Variants in NAV1 observed in about 807,000 individuals in gnomAD.
NAV1 encodes the protein pore membrane and/or filament interacting like protein 3.
In NAV1, 18 loss-of-function variants were observed where a neutral mutation model predicts 175.2. The ratio of observed to expected loss-of-function variants is 0.10; its 90% CI spans 0.07 to 0.15. NAV1 has a LOEUF of 0.15. Among genes scored for constraint, NAV1 ranks in the 10% least tolerant of loss-of-function variants. The pLI, the probability that NAV1 is intolerant of heterozygous loss-of-function variation, is 1.00. For missense variants in NAV1, 1,731 were observed against 2,436.6 expected (o/e 0.71, Z 6.10); for synonymous variants, 897 against 978.7 (o/e 0.92, Z 1.56).
chr1:201,731,378 A>T lies in NAV1; in HGVS notation c.1226+12623A>T, dbSNP rs559204047. On this transcript the variant is annotated intron_variant, in intron 3 of 29. Transcript: ENST00000367296. Reference sequence around the variant, plus strand: ...GTGTGCGGCAACCAGACAGGCACAGAGAGTGTCTGAGAGGTGGAGGGACCC... The same window carrying T: ...GTGTGCGGCAACCAGACAGGCACAGTGAGTGTCTGAGAGGTGGAGGGACCC... Among the ~76,000 whole-genome samples, 14 of 152,130 alleles carry T rather than the reference A, an allele frequency of 9.2e-5. No homozygotes were observed. The South Asian group carries it at 2.9e-3, about 32-fold the overall frequency.
intron 1 of NAV1, among the ~76,000 whole-genome samples, chr1:201,575,544 T>C (rs79860668): frequency 0.012 from 1,878 of 152,254 alleles, 39 homozygotes; most frequent in African/African-American, 0.043. Context: ...GCGTGTCCAA[T>C]GGGATGATGA....
At chr1:201,684,792 C>A (rs1418872850) in intron 1 of NAV1, among the ~76,000 whole-genome samples, 5 of 151,578 alleles carry the variant, frequency 3.3e-5, no homozygotes, top group South Asian at 2.1e-4. Context: ...CTTTAAAAAA[C>A]CCCAATTCTT....
chr1:201,670,609 TTGA>T (rs745794951), intron 1 of NAV1, among the ~76,000 whole-genome samples: 3 of 150,550 alleles, frequency 2.0e-5, no homozygotes, highest in South Asian at 2.1e-4. Flanking sequence ...TGATTTTTTG[TTGA>T]TGATGGCAGT....
intron 1 of NAV1, among the ~76,000 whole-genome samples, chr1:201,682,115 C>CAA (rs34550001): frequency 0.013 from 1,056 of 83,226 alleles, 23 homozygotes; most frequent in Admixed American, 0.017. Flanking sequence ...GACTCCATCT[C>CAA]AAAAAAAAAA....
intron 3 of NAV1, among the ~76,000 whole-genome samples, chr1:201,720,921 C>T (rs1672354875): frequency 6.6e-6 from 1 of 151,976 alleles, no homozygotes; most frequent in South Asian, 2.1e-4. Context: ...GATCTAGTAG[C>T]AGCTGGTCAA....
intron 1 of NAV1, among the ~76,000 whole-genome samples, chr1:201,545,784 G>A (rs1665652511): frequency 6.6e-6 from 1 of 152,230 alleles, no homozygotes; most frequent in African/African-American, 2.4e-5. Context: ...AGAGAACTGG[G>A]CTGATGCAGA....
intron 1 of NAV1, among the ~76,000 whole-genome samples, chr1:201,705,307 C>T (rs904460825): frequency 6.6e-6 from 1 of 152,224 alleles, no homozygotes; most frequent in Admixed American, 6.5e-5. Context: ...CGTGCATGCT[C>T]CTCTCTCTGG....
At chr1:201,589,083 G>T (rs913137769) in intron 2 of NAV1, among the ~76,000 whole-genome samples, 1 of 151,566 alleles carries the variant, frequency 6.6e-6, no homozygotes, top group Non-Finnish European at 1.5e-5. Context: ...CCTGACCTCA[G>T]GTGATCCACC....
chr1:201,615,267 C>CTTTTTTT (rs949162841), intron 2 of NAV1, among the ~76,000 whole-genome samples: 11 of 141,972 alleles, frequency 7.7e-5, no homozygotes, highest in African/African-American at 2.7e-4. Flanking sequence ...TTCTTTCTTT[C>CTTTTTTT]TTTTTTTTTT....
intron 2 of NAV1, among the ~76,000 whole-genome samples, chr1:201,593,505 T>G (rs1667265401): frequency 6.6e-6 from 1 of 152,212 alleles, no homozygotes; most frequent in Non-Finnish European, 1.5e-5. Flanking sequence ...AGACGACAGA[T>G]GAGTCAGAGG....
intron 3 of NAV1, among the ~76,000 whole-genome samples, chr1:201,772,308 G>T (rs1675638415): frequency 1.3e-5 from 2 of 152,198 alleles, no homozygotes; most frequent in South Asian, 4.1e-4. Context: ...AACAGATAGG[G>T]CTTATGTCCA....
At chr1:201,631,799 G>A (rs1361753552) in intron 2 of NAV1, among the ~76,000 whole-genome samples, 2 of 152,178 alleles carry the variant, frequency 1.3e-5, no homozygotes, top group Non-Finnish European at 2.9e-5. Context: ...TATTGATCAT[G>A]TTATTTCCAT....
intron 2 of NAV1, among the ~76,000 whole-genome samples, chr1:201,641,260 C>T (rs1177999786): frequency 6.6e-6 from 1 of 152,154 alleles, no homozygotes; most frequent in Non-Finnish European, 1.5e-5. Context: ...AGAGCCTGAC[C>T]ACTTCTCACT....
At chr1:201,797,047 A>G (rs1400667537) in intron 15 of NAV1, 1 of 152,196 alleles carries the variant, frequency 6.6e-6, no homozygotes, top group Non-Finnish European at 1.5e-5. Context: ...TAGGTGCTGT[A>G]TCTAAGAAAT....
intron 1 of NAV1, among the ~76,000 whole-genome samples, chr1:201,700,542 C>G (rs924628257): frequency 5.3e-5 from 8 of 152,274 alleles, no homozygotes; most frequent in Admixed American, 4.6e-4. Context: ...TTCCAAGGAT[C>G]TAGAACGAGA....
intron 1 of NAV1, among the ~76,000 whole-genome samples, chr1:201,549,095 CTTT>C (rs1665757549): frequency 1.4e-5 from 2 of 140,488 alleles, no homozygotes; most frequent in Non-Finnish European, 3.2e-5. Flanking sequence ...TTCTTTCTTT[CTTT>C]CTTTCTTTCT....
intron 3 of NAV1, among the ~76,000 whole-genome samples, chr1:201,768,498 C>T (rs1675354926): frequency 6.6e-6 from 1 of 151,694 alleles, no homozygotes; most frequent in Non-Finnish European, 1.5e-5. Context: ...ATTAGCCAGG[C>T]GCAGTGGTGC....
At chr1:201,699,297 CAG>C (rs1671314346) in intron 1 of NAV1, among the ~76,000 whole-genome samples, 1 of 152,090 alleles carries the variant, frequency 6.6e-6, no homozygotes, top group Non-Finnish European at 1.5e-5. Context: ...ACACCAATAA[CAG>C]ACAAACAGAG....
At chr1:201,573,546 T>G (rs530316337) in intron 1 of NAV1, among the ~76,000 whole-genome samples, 1 of 152,188 alleles carries the variant, frequency 6.6e-6, no homozygotes, top group South Asian at 2.1e-4. Context: ...ACACACCCCC[T>G]CCCTGCCTCC....
Sources: gnomAD v4.1 joint callset for allele counts (sites outside exome capture counted in the v4.1 genomes callset) on GRCh38, gnomAD v4.1.1 for gene constraint, MANE v1.5 for transcripts, NCBI Gene and HGNC (gene_info 2026-07-23, HGNC 2026-07-21) for gene names.